TRIM36: variants seen among roughly 807,000 people sequenced by gnomAD.
The protein encoded by TRIM36 is tripartite motif containing 36, also known as E3 ubiquitin-protein ligase TRIM36.
In TRIM36, 42 loss-of-function variants were observed where a neutral mutation model predicts 72.4. That is an observed-to-expected ratio of 0.58 (90% CI 0.45 to 0.75). The LOEUF is 0.75. Ranked by LOEUF, TRIM36 falls within the 30% of genes least tolerant of loss-of-function variation. The pLI is 0.00. For synonymous variants in TRIM36, 315 were observed against 282.8 expected, an observed-to-expected ratio of 1.11 and a Z score of -1.14; for missense variants, 913 against 857.1, an observed-to-expected ratio of 1.07 and a Z score of -0.81.
rs1206643621 is a variant in TRIM36 at position 115,137,420 on chromosome 5, A to G, written c.1028T>C (p.Val343Ala). The G allele has an allele frequency of 6.2e-7, 1 of 1,614,086 alleles. No individual in the cohort carries two copies. ...GCAAGACTGATCTGTCTCCTTTAGC[A>G]CTTCTTGAGCATATCCCACAAGTCC... ...NNGLVGYAQE[V>A]LKETDQSCFV... Residue 343 changes from valine (V) to alanine (A), a missense_variant, in exon 6 of 10, where the codon GTG becomes GCG. Physicochemically the swap from Val to Ala is moderately conservative, Grantham distance 64. Coordinates refer to ENST00000513154, the MANE Select transcript of TRIM36 (RefSeq NM_001300759.2).
At chr5:115,177,712 C>T in intron 1 of TRIM36, 1 of 1,613,842 alleles carries the variant, frequency 6.2e-7, no homozygotes, top group Non-Finnish European at 8.5e-7. Flanking sequence ...GACCAACTCT[C>T]CCCCTCCAAC....
At chr5:115,154,144 T>C (rs890129312) in intron 2 of TRIM36, among the ~76,000 whole-genome samples, 3 of 151,366 alleles carry the variant, frequency 2.0e-5, no homozygotes, top group Non-Finnish European at 2.9e-5. Context: ...TGCATGACAA[T>C]AGTGACACAA....
At chr5:115,157,401 T>A (rs1331076514) in intron 2 of TRIM36, among the ~76,000 whole-genome samples, 1 of 151,902 alleles carries the variant, frequency 6.6e-6, no homozygotes, top group East Asian at 1.9e-4. Flanking sequence ...CCGTCTCTAG[T>A]AAAAATAGAA....
In TRIM36 at chr5:115,125,571, C is replaced by T. The variant is rs1752328439; in HGVS notation, c.*932G>A. On this transcript the variant is annotated 3_prime_UTR_variant, in exon 10 of 10. Coordinates refer to ENST00000513154, the MANE Select transcript of TRIM36 (RefSeq NM_001300759.2). ...AACATGTAAATATAAATCAGGAAAACCTGATATGTAATAATTGGGCCAAAA... is the reference window on the plus strand; with the variant it reads ...AACATGTAAATATAAATCAGGAAAATCTGATATGTAATAATTGGGCCAAAA... The T allele has an allele frequency of 1.3e-5, 2 of 151,768 alleles. No individual in the cohort carries two copies. Among genetic ancestry groups the T allele is most frequent in the Admixed American group, 6.6e-5 (1 of 15,240 alleles). The allele number at this position is 151,768 out of a possible 1,614,324, so 9.4% of individuals were successfully genotyped here. A position where few individuals can be genotyped will look rare whatever the true frequency, so the allele number is the denominator to read the frequency against.
intron 5 of TRIM36, among the ~76,000 whole-genome samples, chr5:115,140,001 T>G (rs988610259): frequency 6.6e-6 from 1 of 152,174 alleles, no homozygotes; most frequent in Non-Finnish European, 1.5e-5. Context: ...AGCAACCTAC[T>G]AAGGTGATCA....
intron 2 of TRIM36, among the ~76,000 whole-genome samples, chr5:115,158,382 C>G (rs530670696): frequency 6.6e-6 from 1 of 152,176 alleles, no homozygotes; most frequent in Non-Finnish European, 1.5e-5. Flanking sequence ...CTAAAAAAGT[C>G]AGCTTTCAGT....
intron 5 of TRIM36, among the ~76,000 whole-genome samples, chr5:115,139,563 G>C (rs373994112): frequency 1.3e-5 from 2 of 152,206 alleles, no homozygotes; most frequent in African/African-American, 4.8e-5. Context: ...TTTTAAAAGA[G>C]AAGGAGCAGA....
At chr5:115,174,565 G>C (rs1304497601), upstream of TRIM36, among the ~76,000 whole-genome samples, 3 of 152,144 alleles carry the variant, frequency 2.0e-5, no homozygotes, top group Non-Finnish European at 2.9e-5. Context: ...GTTTCTATGG[G>C]AACAAAGTCA....
At chr5:115,179,929 C>G (rs370591481) in intron 1 of TRIM36, 36 of 1,576,182 alleles carry the variant, frequency 2.3e-5, no homozygotes, top group African/African-American at 1.7e-4. Context: ...CAGGTAGTGC[C>G]GGAGTCGGGG....
intron 3 of TRIM36, among the ~76,000 whole-genome samples, chr5:115,146,125 T>C (rs983170131): frequency 2.0e-5 from 3 of 152,304 alleles, no homozygotes; most frequent in South Asian, 2.1e-4. Flanking sequence ...GCATTTAAAA[T>C]GAGGAACATA....
chr5:115,164,299 C>G (rs1407218852), intron 1 of TRIM36, among the ~76,000 whole-genome samples: 8 of 152,148 alleles, frequency 5.3e-5, no homozygotes, highest in Non-Finnish European at 1.0e-4. Flanking sequence ...TCATTAATGC[C>G]TGAGGTTCTC....
At chr5:115,144,844 A>T (rs1158318517) in intron 3 of TRIM36, 100 bp from the exon 4 acceptor site, 54 of 1,297,070 alleles carry the variant, frequency 4.2e-5, no homozygotes, top group Non-Finnish European at 5.5e-5. Context: ...TCACTAAATA[A>T]AGCCATTTAA....
At chr5:115,139,844 T>C (rs1352316407) in intron 5 of TRIM36, among the ~76,000 whole-genome samples, 1 of 152,208 alleles carries the variant, frequency 6.6e-6, no homozygotes, top group African/African-American at 2.4e-5. Context: ...ACATGAATAC[T>C]TGACACCTAA....
chr5:115,163,236 T>C (rs1234559384), intron 2 of TRIM36, among the ~76,000 whole-genome samples: 1 of 152,120 alleles, frequency 6.6e-6, no homozygotes, highest in Non-Finnish European at 1.5e-5. Flanking sequence ...GGATTACAGG[T>C]GTGAGCCACT....
chr5:115,162,442 A>G (rs1754533716), intron 2 of TRIM36, among the ~76,000 whole-genome samples: 1 of 152,256 alleles, frequency 6.6e-6, no homozygotes, highest in African/African-American at 2.4e-5. Flanking sequence ...AAGCATCTAC[A>G]GAGTACCATG....
chr5:115,166,294 C>T (rs111917380), intron 1 of TRIM36, among the ~76,000 whole-genome samples: 66 of 152,292 alleles, frequency 4.3e-4, no homozygotes, highest in African/African-American at 1.6e-3. Flanking sequence ...CCTCTGAAGC[C>T]CATAAAAACC....
intron 2 of TRIM36, among the ~76,000 whole-genome samples, chr5:115,154,801 T>C (rs4705730): frequency 0.074 from 11,190 of 152,148 alleles, 554 homozygotes; most frequent in Non-Finnish European, 0.096. Flanking sequence ...TTCCATGAGA[T>C]AGAGAAAGAG....
chr5:115,136,792 A>G (rs180796686), intron 7 of TRIM36, among the ~76,000 whole-genome samples: 2 of 152,236 alleles, frequency 1.3e-5, no homozygotes, highest in South Asian at 4.1e-4. Flanking sequence ...TGCAATGTTT[A>G]AAAACACACA....
At chr5:115,147,428 C>T in intron 2 of TRIM36, 34 bp from the exon 3 acceptor site, 2 of 1,582,624 alleles carry the variant, frequency 1.3e-6, no homozygotes, top group Middle Eastern at 1.7e-4. Flanking sequence ...TTAGTTATAG[C>T]AGTAGGAAAA....
Sources: allele counts gnomAD v4.1 joint callset (sites outside exome capture counted in the v4.1 genomes callset), GRCh38; gene constraint gnomAD v4.1.1; transcripts MANE v1.5; gene names NCBI Gene and HGNC (gene_info 2026-07-23, HGNC 2026-07-21).